PTBP3: variants seen among roughly 807,000 people sequenced by gnomAD.
PTBP3 encodes the protein polypyrimidine tract binding protein 3, also known as polypyrimidine tract-binding protein 3.
A neutral mutation model predicts 58.7 loss-of-function variants in PTBP3; 20 were observed. The observed-to-expected ratio is 0.34, with a 90% CI of 0.24 to 0.50. The LOEUF (loss-of-function observed/expected upper bound fraction) is 0.50. Ranked by LOEUF, PTBP3 falls within the 20% of genes least tolerant of loss-of-function variation. The pLI is 0.98. For missense variants in PTBP3, 509 were observed against 637.2 expected, an observed-to-expected ratio of 0.80 and a Z score of 2.17; for synonymous variants, 185 against 219.8, an observed-to-expected ratio of 0.84 and a Z score of 1.40.
At chr9:112,363,516 TCACACA>T in the PTBP3 span, among the ~76,000 whole-genome samples, 3,674 of 134,810 alleles carry the variant, frequency 0.027, 95 homozygotes, top group East Asian at 0.083. Flanking sequence ...AGCAAAACTG[TCACACA>T]CACACACACA....
At chr9:112,300,629 G>A (rs529274623) in intron 1 of PTBP3, among the ~76,000 whole-genome samples, 1 of 152,276 alleles carries the variant, frequency 6.6e-6, no homozygotes, top group South Asian at 2.1e-4. Context: ...GCGGGCGCCT[G>A]TAGTCCCAGC....
At chr9:112,265,520 TC>T (rs2132145164) in intron 4 of PTBP3, among the ~76,000 whole-genome samples, 1 of 151,824 alleles carries the variant, frequency 6.6e-6, no homozygotes, top group East Asian at 1.9e-4. Flanking sequence ...AAATTCTGTC[TC>T]CAAAAACAAA....
upstream of PTBP3, chr9:112,333,679 C>A: frequency 2.0e-6 from 1 of 498,684 alleles, no homozygotes; most frequent in South Asian, 3.7e-5. Flanking sequence ...CCTTCCCCAC[C>A]CCGCGAGCGC....
At chr9:112,243,754 T>C (rs1286167646) in intron 7 of PTBP3, among the ~76,000 whole-genome samples, 1 of 152,224 alleles carries the variant, frequency 6.6e-6, no homozygotes, top group Non-Finnish European at 1.5e-5. Context: ...ACAGTAATGA[T>C]ACTTCAAACT....
intron 8 of PTBP3, among the ~76,000 whole-genome samples, chr9:112,234,576 C>A (rs1349988232): frequency 6.6e-6 from 1 of 151,970 alleles, no homozygotes; most frequent in Non-Finnish European, 1.5e-5. Context: ...TTATTTGTGC[C>A]AAAAGCAAAC....
chr9:112,236,147 G>A (rs966189636), intron 7 of PTBP3, among the ~76,000 whole-genome samples: 1 of 151,678 alleles, frequency 6.6e-6, no homozygotes, highest in African/African-American at 2.4e-5. Context: ...TCATTAAAAA[G>A]AATTATTTAA....
chr9:112,268,287 G>A, intron 3 of PTBP3, 92 bp from the exon 4 acceptor site: 1 of 1,299,436 alleles, frequency 7.7e-7, no homozygotes, highest in African/African-American at 1.5e-5. Flanking sequence ...CTAAACCCAT[G>A]CACTCTCAAG....
chr9:112,363,740 A>G, the PTBP3 span, among the ~76,000 whole-genome samples: 2 of 152,276 alleles, frequency 1.3e-5, no homozygotes, highest in Non-Finnish European at 2.9e-5. Flanking sequence ...CTAGATTCAC[A>G]GAAAAATTGA....
intron 6 of PTBP3, 120 bp from the exon 7 acceptor site, chr9:112,251,223 A>G: frequency 1.4e-6 from 1 of 736,970 alleles, no homozygotes; most frequent in South Asian, 4.1e-5. Context: ...CTAAAAAGCC[A>G]AAGTCTTGGG....
intron 2 of PTBP3, chr9:112,281,404 C>T (rs1827860113): frequency 6.6e-6 from 1 of 152,222 alleles, no homozygotes; most frequent in Non-Finnish European, 1.5e-5. Context: ...GCTTGTCCTG[C>T]CATGACTTCC....
At chr9:112,280,715 C>T (rs1427923374) in intron 2 of PTBP3, among the ~76,000 whole-genome samples, 1 of 151,986 alleles carries the variant, frequency 6.6e-6, no homozygotes, top group East Asian at 1.9e-4. Flanking sequence ...GGTCATGACA[C>T]ATGTACCATG....
At chr9:112,261,467 T>A (rs114197326) in intron 5 of PTBP3, among the ~76,000 whole-genome samples, 1 of 152,370 alleles carries the variant, frequency 6.6e-6, no homozygotes, top group African/African-American at 2.4e-5. Flanking sequence ...TAGAGTAAGA[T>A]GTATTTCAAT....
chr9:112,227,769 C>T (rs1835049348), intron 11 of PTBP3, 142 bp from the exon 12 acceptor site: 3 of 630,512 alleles, frequency 4.8e-6, no homozygotes, highest in Non-Finnish European at 8.2e-6. Flanking sequence ...TTTCAAAATC[C>T]AAAAACCCTC....
chr9:112,342,049 C>G, the PTBP3 span, among the ~76,000 whole-genome samples: 1 of 152,148 alleles, frequency 6.6e-6, no homozygotes, highest in Admixed American at 6.5e-5. Context: ...GGGCAGGCAT[C>G]ATCCAATTGG....
chr9:112,245,114 G>A (rs566310370), intron 7 of PTBP3, among the ~76,000 whole-genome samples: 1 of 152,118 alleles, frequency 6.6e-6, no homozygotes, highest in African/African-American at 2.4e-5. Context: ...TTCAAGACCA[G>A]CCTGGCCAAC....
chr9:112,266,850 GGT>G (rs1460351356), intron 4 of PTBP3, among the ~76,000 whole-genome samples: 1 of 152,088 alleles, frequency 6.6e-6, no homozygotes, highest in Non-Finnish European at 1.5e-5. Flanking sequence ...TTGATTGAAT[GGT>G]GTACCAAAAG....
chr9:112,240,019 G>A (rs1835592293), intron 7 of PTBP3, among the ~76,000 whole-genome samples: 1 of 152,084 alleles, frequency 6.6e-6, no homozygotes, highest in Non-Finnish European at 1.5e-5. Context: ...GGAACGATCT[G>A]GAGGTTGGAA....
chr9:112,290,672 TAA>T (rs141146042), intron 2 of PTBP3, among the ~76,000 whole-genome samples: 580 of 52,948 alleles, frequency 0.011, 4 homozygotes, highest in African/African-American at 0.02. Context: ...ACTCTGTCTT[TAA>T]AAAAAAAAAA....
intron 5 of PTBP3, among the ~76,000 whole-genome samples, chr9:112,257,660 C>T (rs1836425527): frequency 6.6e-6 from 1 of 152,062 alleles, no homozygotes; most frequent in Non-Finnish European, 1.5e-5. Flanking sequence ...GTATTCATGG[C>T]GAGGCGCAGT....
Sources: gnomAD v4.1 joint callset for allele counts (sites outside exome capture counted in the v4.1 genomes callset) on GRCh38, gnomAD v4.1.1 for gene constraint, MANE v1.5 for transcripts, NCBI Gene and HGNC (gene_info 2026-07-23, HGNC 2026-07-21) for gene names.